The following SSMEM1 variants were observed in gnomAD, a reference collection of about 807,000 sequenced individuals.
SSMEM1 encodes serine-rich single-pass membrane protein 1.
SSMEM1 carries 12 observed loss-of-function variants against 9.9 expected under a neutral mutation model. The observed-to-expected ratio is 1.21, with a 90% CI of 0.78 to 1.96. SSMEM1 has a LOEUF of 1.96. Ranked by LOEUF, SSMEM1 falls within the 30% of genes most tolerant of loss-of-function variation. The pLI, the probability that SSMEM1 is intolerant of heterozygous loss-of-function variation, is 0.00. For missense variants in SSMEM1, 259 were observed against 292.2 expected (o/e 0.89, Z 0.83); for synonymous variants, 96 against 98.9 (o/e 0.97, Z 0.17).
At chr7:130,206,814 G>C (rs1464870695), upstream of SSMEM1, 3 of 162,782 alleles carry the variant, frequency 1.8e-5, no homozygotes, top group East Asian at 5.8e-4. Flanking sequence ...CTGAAACCCT[G>C]TCTCTACTAA....
Position 130,216,611 on chromosome 7 carries a change from G to A in SSMEM1, c.*141G>A. 1 of 1,056,036 alleles carries A rather than the reference G, an allele frequency of 9.5e-7. No individual in the cohort carries two copies. 65.4% of individuals were successfully genotyped at this position (1,056,036 alleles called of 1,614,324 possible). A position where few individuals can be genotyped will look rare whatever the true frequency, so the allele number is the denominator to read the frequency against. ...CAAAAACATACTTGGAACCCAAGAGGTAAAATCTCACACAATTCTTCGTTC... is the reference window on the plus strand; with the variant it reads ...CAAAAACATACTTGGAACCCAAGAGATAAAATCTCACACAATTCTTCGTTC... On this transcript the variant is annotated 3_prime_UTR_variant, in exon 3 of 3. Transcript: ENST00000297819.
At position 130,216,743 on chromosome 7, in the gene SSMEM1, T is replaced by C; in HGVS notation, c.*273T>C. On this transcript the variant is annotated 3_prime_UTR_variant, in exon 3 of 3. Coordinates refer to ENST00000297819, the MANE Select transcript of SSMEM1 (RefSeq NM_145268.4). ...TAGCACAAGACAGATATTTTGTGCC[T>C]TGAGTGTATATATTTTGTGCCTTGA... 3 of 420,098 alleles carry C rather than the reference T, an allele frequency of 7.1e-6. No individual in the cohort carries two copies. Among genetic ancestry groups the C allele is most frequent in the Non-Finnish European group, 1.3e-5 (3 of 235,816 alleles). 26.0% of individuals were successfully genotyped at this position (420,098 alleles called of 1,614,324 possible).
upstream of SSMEM1, chr7:130,205,594 T>C: frequency 1.5e-6 from 1 of 646,640 alleles, no homozygotes; most frequent in Non-Finnish European, 2.7e-6. Flanking sequence ...GGGAGAAAGC[T>C]AAGCAGCAAA....
At chr7:130,215,826 C>A in intron 2 of SSMEM1, 148 bp from the exon 3 acceptor site, 2 of 1,037,566 alleles carry the variant, frequency 1.9e-6, no homozygotes, top group Non-Finnish European at 2.8e-6. Flanking sequence ...ATGCAGTCAG[C>A]TGCCAACACT....
intron 1 of SSMEM1, 113 bp downstream of exon 1, chr7:130,208,206 T>A: frequency 9.4e-7 from 1 of 1,058,384 alleles, no homozygotes; most frequent in Non-Finnish European, 1.3e-6. Context: ...TGTTTAGTTT[T>A]AAAAATAATG....
Position 130,208,097 on chromosome 7 carries a change from G to A in SSMEM1, c.183+4G>A, listed in dbSNP as rs774192176. On this transcript the variant is annotated splice_donor_region_variant and intron_variant, in intron 1 of 2. Transcript: ENST00000297819. ...CTTCTCTAGGGCTTCTGTCTGGGTA[G>A]GATATCTTTTTTTCATTTTAAATAA... 8 of 1,591,070 alleles carry A rather than the reference G, an allele frequency of 5.0e-6. No homozygotes were observed. The East Asian group carries it at 1.6e-4, about 31-fold the overall frequency.
rs1216707000 is a variant in SSMEM1 at position 130,216,476 on chromosome 7, A to T, written c.*6A>T. 1 of 1,607,508 alleles carries T rather than the reference A, an allele frequency of 6.2e-7. No homozygotes were observed. Among genetic ancestry groups the T allele is most frequent in the Admixed American group, 1.7e-5 (1 of 59,640 alleles). On this transcript the variant is annotated 3_prime_UTR_variant, in exon 3 of 3. Transcript: ENST00000297819. ...AGAAATTTAGTAAATTTTGAATTTTATCACGTTCTTCCTTCACTTGAAGCC... is the reference window on the plus strand; with the variant it reads ...AGAAATTTAGTAAATTTTGAATTTTTTCACGTTCTTCCTTCACTTGAAGCC...
In SSMEM1 at chr7:130,216,570, T is replaced by C. The variant is rs992092779; in HGVS notation, c.*100T>C. On this transcript the variant is annotated 3_prime_UTR_variant, in exon 3 of 3. Transcript: ENST00000297819. ...AGGTGAGGAGACTTTTACAACAAAG[T>C]CTCTCTACCAACAAACAAAAACATA... is the stretch of plus-strand genomic sequence containing the variant. 1.1e-4 allele frequency: 154 copies of C among 1,398,374 alleles called. 1 individual carries two copies. The highest frequency in any genetic ancestry group is 1.4e-4 in the Non-Finnish European group (143 of 1,033,034). The allele number at this position is 1,398,374 out of a possible 1,614,324, so 86.6% of individuals were successfully genotyped here. A position where few individuals can be genotyped will look rare whatever the true frequency, so the allele number is the denominator to read the frequency against.
rs767735134 is a variant in SSMEM1 at position 130,216,006 on chromosome 7, A to G, written c.271A>G (p.Lys91Glu). 2.5e-6 allele frequency: 4 copies of G among 1,614,036 alleles called. No individual in the cohort carries two copies. In the Admixed American group the frequency reaches 6.7e-5, roughly 27 times the overall value. ...AGAGACTTCCTGTAAGCGGCAAAGCAAAGACAGTGCCTGGGATCCCTCACA... is the reference window on the plus strand; with the variant it reads ...AGAGACTTCCTGTAAGCGGCAAAGCGAAGACAGTGCCTGGGATCCCTCACA... ...SKETSCKRQS[K>E]DSAWDPSQTM... Residue 91 changes from lysine (K) to glutamate (E), a missense_variant, in exon 3 of 3, where the codon AAA becomes GAA. By Grantham distance (56) the Lys-to-Glu change is moderately conservative (BLOSUM62 1). Coordinates refer to ENST00000297819, the MANE Select transcript of SSMEM1 (RefSeq NM_145268.4).
intron 2 of SSMEM1, among the ~76,000 whole-genome samples, 171 bp downstream of exon 2, chr7:130,213,705 A>AG (rs1332634223): frequency 6.7e-5 from 10 of 149,574 alleles, no homozygotes; most frequent in South Asian, 2.1e-4. Context: ...AAAAAAAAAA[A>AG]AAAAAAAAAG....
chr7:130,205,443 G>C (rs2697012), upstream of SSMEM1: 1 of 1,611,298 alleles, frequency 6.2e-7, no homozygotes, highest in Non-Finnish European at 8.5e-7. Flanking sequence ...AGCTCAAGCG[G>C]GAGGCCACCG....
At chr7:130,210,082 T>C (rs1010147130) in intron 1 of SSMEM1, among the ~76,000 whole-genome samples, 8 of 152,240 alleles carry the variant, frequency 5.3e-5, no homozygotes, top group Non-Finnish European at 8.8e-5. Context: ...AAAGTGTTAG[T>C]GACAGAAGGG....
At chr7:130,211,939 T>C (rs549548441) in intron 1 of SSMEM1, among the ~76,000 whole-genome samples, 140 of 152,340 alleles carry the variant, frequency 9.2e-4, no homozygotes, top group African/African-American at 3.2e-3. Context: ...CATAATTTAC[T>C]TAAACCATTG....
chr7:130,212,876 T>C (rs918608079), intron 1 of SSMEM1, among the ~76,000 whole-genome samples: 3 of 152,228 alleles, frequency 2.0e-5, no homozygotes, highest in Non-Finnish European at 4.4e-5. Context: ...TTGTCAGTGT[T>C]ATTTTCTCTC....
At chr7:130,208,509 A>G (rs1798531085) in intron 1 of SSMEM1, among the ~76,000 whole-genome samples, 1 of 152,200 alleles carries the variant, frequency 6.6e-6, no homozygotes, top group African/African-American at 2.4e-5. Context: ...ATGACTGCAT[A>G]ATTTTCTATA....
upstream of SSMEM1, chr7:130,205,558 C>G (rs1798431683): frequency 6.8e-6 from 6 of 880,378 alleles, no homozygotes; most frequent in East Asian, 5.1e-5. Flanking sequence ...AAACAGGTCT[C>G]GGTTTTGCGG....
intron 2 of SSMEM1, among the ~76,000 whole-genome samples, 158 bp downstream of exon 2, chr7:130,213,692 C>CAAAAAAAAAAAAAAAAAAAAAAAA (rs1179465068): frequency 2.5e-5 from 2 of 79,824 alleles, no homozygotes; most frequent in African/African-American, 5.2e-5. Context: ...GACCCAGTAC[C>CAAAAAAAAAAAAAAAAAAAAAAAA]AAAAAAAAAA....
chr7:130,205,958 G>T (rs1195504990), upstream of SSMEM1, among the ~76,000 whole-genome samples: 1 of 152,040 alleles, frequency 6.6e-6, no homozygotes, highest in Non-Finnish European at 1.5e-5. Flanking sequence ...GCCTCCCACC[G>T]CCTTTTGGGA....
chr7:130,205,503 G>C (rs749028416), upstream of SSMEM1: 191 of 1,475,538 alleles, frequency 1.3e-4, no homozygotes, highest in Non-Finnish European at 1.7e-4. Context: ...CTTCTCGCGA[G>C]AAAGGGAGGG....
Sources: allele counts gnomAD v4.1 joint callset (sites outside exome capture counted in the v4.1 genomes callset), GRCh38; gene constraint gnomAD v4.1.1; transcripts MANE v1.5; gene names NCBI Gene and HGNC (gene_info 2026-07-23, HGNC 2026-07-21).